The following PPP1R3F variants were observed in gnomAD, a reference collection of about 807,000 sequenced individuals.
PPP1R3F encodes the protein protein phosphatase 1, regulatory (inhibitor) subunit 3F.
A neutral mutation model predicts 24.2 loss-of-function variants in PPP1R3F; 29 were observed. That is an observed-to-expected ratio of 1.20 (90% CI 0.89 to 1.63). The LOEUF is 1.63. PPP1R3F is among the 40% of genes most tolerant of loss of function. PPP1R3F has a pLI of 0.00. For synonymous variants in PPP1R3F, 363 were observed against 340.1 expected (o/e 1.07, Z -0.74); for missense variants, 823 against 729.3 (o/e 1.13, Z -1.48).
At chrX:49,281,302 A>G in intron 1 of PPP1R3F, 104 bp from the exon 2 acceptor site, 1 of 484,788 alleles carries the variant, frequency 2.1e-6, no homozygotes. Flanking sequence ...AGCAGCTGTC[A>G]GGTGAAGGTG....
rs781865197 is a variant in PPP1R3F at position 49,285,847 on chromosome X, C to A, written c.1157C>A (p.Pro386Gln). 8.7e-7 allele frequency: 1 copy of A among 1,144,961 alleles called. No homozygotes were observed. The highest frequency in any genetic ancestry group is 1.2e-6 in the Non-Finnish European group (1 of 860,707). 94.4% of individuals were successfully genotyped at this position (1,144,961 alleles called of 1,213,427 possible). ...PQMTLQVSDV[P>Q]MTGNPAEEGD... ...CCATGGCTCCAGGTTTCTGACGTTC[C>A]GATGACTGGCAACCCCGCAGAAGAA... Residue 386 changes from proline to glutamine, a missense_variant, in exon 4 of 4, where the codon CCG (proline) becomes CAG (glutamine). Pro to Gln is a moderately conservative substitution (Grantham distance 76). Transcript: ENST00000055335.
At chrX:49,296,385 G>T (rs992759250) in intron 3 of PPP1R3F, among the ~76,000 whole-genome samples, 1 of 111,064 alleles carries the variant, frequency 9.0e-6, no homozygotes, top group Non-Finnish European at 1.9e-5. Context: ...GTTTTTTATT[G>T]TGTCTATTTG....
chrX:49,296,635 G>A (rs781948874), intron 3 of PPP1R3F, among the ~76,000 whole-genome samples: 2 of 111,660 alleles, frequency 1.8e-5, no homozygotes, highest in South Asian at 3.7e-4. Context: ...GATCTTTCCC[G>A]CTTTCTCCTG....
chrX:49,279,669 C>T (rs182863171), intron 1 of PPP1R3F, among the ~76,000 whole-genome samples: 4 of 111,470 alleles, frequency 3.6e-5, no homozygotes, highest in Admixed American at 2.8e-4. Flanking sequence ...GGCGACAGAA[C>T]GAGACTCCAT....
intron 1 of PPP1R3F, chrX:49,274,732 C>T (rs782689633): frequency 7.1e-5 from 8 of 112,057 alleles, no homozygotes; most frequent in African/African-American, 2.3e-4. Context: ...TTGATCCACT[C>T]GTTTCTCCTC....
In PPP1R3F at chrX:49,270,303, C is replaced by T. The variant is rs782098680; in HGVS notation, c.434C>T (p.Pro145Leu). The T allele has an allele frequency of 2.7e-6, 3 of 1,106,742 alleles. No homozygotes were observed. The highest frequency in any genetic ancestry group is 3.5e-6 in the Non-Finnish European group (3 of 851,479). 91.2% of individuals were successfully genotyped at this position (1,106,742 alleles called of 1,213,427 possible). The change falls in exon 1 of 4, where the codon CCC (proline) becomes CTC (leucine). Residue 145 changes from proline to leucine, a missense_variant. Physicochemically the swap from Pro to Leu is moderately conservative, Grantham distance 98 (BLOSUM62 -3). Transcript: ENST00000055335. Reference sequence around the variant, plus strand: ...GAGCTGGAGGCGCTGCTGCCGCCTCCCGGAGCGGTCCCCGGGGGTGCCGGG... The same window carrying T: ...GAGCTGGAGGCGCTGCTGCCGCCTCTCGGAGCGGTCCCCGGGGGTGCCGGG... ...MVELEALLPPPGAVPGGAGVW... is the reference protein window; with the variant it reads ...MVELEALLPPLGAVPGGAGVW...
intron 3 of PPP1R3F, among the ~76,000 whole-genome samples, chrX:49,293,280 C>T (rs782464653): frequency 9.8e-5 from 11 of 112,336 alleles, no homozygotes; most frequent in Non-Finnish European, 1.9e-4. Flanking sequence ...TAACGACTCA[C>T]CTGATGTGAT....
chrX:49,291,653 T>A (rs1557122386), downstream of PPP1R3F, among the ~76,000 whole-genome samples: 1 of 110,154 alleles, frequency 9.1e-6, no homozygotes, highest in Non-Finnish European at 1.9e-5. Context: ...AAAATTTTAG[T>A]GGTCAGTTAC....
Position 49,270,238 on chromosome X carries a change from C to T in PPP1R3F, c.369C>T (p.Pro123=), listed in dbSNP as rs1557118721. ...FYLVPTFSLP[P]APGRLERLGR... ...TGGTCCCCACATTTTCGCTGCCGCC[C>T]GCGCCGGGCCGTCTGGAGCGCTTGG... The change falls in exon 1 of 4, where the codon CCC becomes CCT. Residue 123 remains proline (P), a synonymous_variant. Transcript: ENST00000055335. The T allele has an allele frequency of 1.1e-5, 12 of 1,091,459 alleles. No homozygotes were observed. Among genetic ancestry groups the T allele is most frequent in the South Asian group, 7.1e-5 (3 of 42,308 alleles). The allele number at this position is 1,091,459 out of a possible 1,213,427, so 89.9% of individuals were successfully genotyped here.
chrX:49,270,267 G>T lies in PPP1R3F; in HGVS notation c.398G>T (p.Arg133Leu). 1 of 1,098,596 alleles carries T rather than the reference G, an allele frequency of 9.1e-7. No homozygotes were observed. Among genetic ancestry groups the T allele is most frequent in the Admixed American group, 3.5e-5 (1 of 28,600 alleles). 90.5% of individuals were successfully genotyped at this position (1,098,596 alleles called of 1,213,427 possible). Residue 133 changes from arginine (R) to leucine (L), a missense_variant, in exon 1 of 4, where the codon CGC becomes CTC. Arg to Leu is a moderately radical substitution (Grantham distance 102). Transcript: ENST00000055335. ...PAPGRLERLG[R>L]VMVELEALLP... ...CCGGGCCGTCTGGAGCGCTTGGGGC[G>T]CGTCATGGTGGAGCTGGAGGCGCTG...
chrX:49,271,225 T>A (rs2066178226), intron 1 of PPP1R3F, among the ~76,000 whole-genome samples: 1 of 111,143 alleles, frequency 9.0e-6, no homozygotes, highest in Admixed American at 9.5e-5. Flanking sequence ...GGGGATAGAT[T>A]GGGAGGGAAT....
At chrX:49,280,754 C>T (rs1388128753) in intron 1 of PPP1R3F, 1 of 110,580 alleles carries the variant, frequency 9.0e-6, no homozygotes, top group African/African-American at 3.3e-5. Flanking sequence ...ATCATGTTGC[C>T]CAGGCTGGTC....
rs782555825 is a variant in PPP1R3F at position 49,281,459 on chromosome X, T to C, written c.1058T>C (p.Met353Thr). 15 of 1,198,568 alleles carry C rather than the reference T, an allele frequency of 1.3e-5. No homozygotes were observed. The East Asian group carries it at 3.9e-4, about 31-fold the overall frequency. Residue 353 changes from methionine (M) to threonine (T), a missense_variant and splice_region_variant, in exon 2 of 4, where the codon ATG becomes ACG. Transcript: ENST00000055335. ...AACATGGATGATAACACCTTTGCCATGGGTAAGCAATTGGCAAGCTTCGGA... is the reference window on the plus strand; with the variant it reads ...AACATGGATGATAACACCTTTGCCACGGGTAAGCAATTGGCAAGCTTCGGA... ...TKNMDDNTFA[M>T]AEHPDVQESV...
Position 49,270,481 on chromosome X carries a change from G to C in PPP1R3F, c.612G>C (p.Pro204=). 8.3e-7 allele frequency: 1 copy of C among 1,204,838 alleles called. No homozygotes were observed. Among genetic ancestry groups the C allele is most frequent in the Non-Finnish European group, 1.1e-6 (1 of 894,866 alleles). ...CGCGCTACGTCCCGCGCAGCCCGCC[G>C]TGGGCAGGAGCGGGAGGAACAGGAG... ...HPARYVPRSP[P]WAGAGGTGAG... The change falls in exon 1 of 4, where the codon CCG becomes CCC. Residue 204 remains proline, a synonymous_variant. Transcript: ENST00000055335.
chrX:49,270,768 C>T lies in PPP1R3F; in HGVS notation c.899C>T (p.Pro300Leu). ...APTPTDAEGL[P>L]QQQQLPQLEP... is the part of the protein sequence containing the mutation. ...ACACCCACTGATGCCGAAGGGCTGC[C>T]CCAGCAGCAGCAGCTGCCGCAGCTG... Residue 300 changes from proline to leucine, a missense_variant, in exon 1 of 4, where the codon CCC becomes CTC. By Grantham distance (98) the Pro-to-Leu change is moderately conservative. Coordinates refer to ENST00000055335, the MANE Select transcript of PPP1R3F (RefSeq NM_033215.5). 2.5e-6 allele frequency: 3 copies of T among 1,199,005 alleles called. No homozygotes were observed. Among genetic ancestry groups the T allele is most frequent in the South Asian group, 1.8e-5 (1 of 55,310 alleles).
intron 1 of PPP1R3F, chrX:49,273,117 T>C (rs2066191626): frequency 9.2e-6 from 1 of 108,452 alleles, no homozygotes; most frequent in Non-Finnish European, 1.9e-5. Context: ...TTTGTACATA[T>C]GTATGCACTT....
Position 49,286,931 on chromosome X carries a change from C to T in PPP1R3F, c.2241C>T (p.Val747=), listed in dbSNP as rs782611476. ...EPPKKSPTLA[V]PAECVCALPP... ...CAAAGAAGTCTCCCACCCTAGCAGTCCCTGCAGAATGTGTGTGTGCACTGC... is the reference window on the plus strand; with the variant it reads ...CAAAGAAGTCTCCCACCCTAGCAGTTCCTGCAGAATGTGTGTGTGCACTGC... Residue 747 remains valine (V), a synonymous_variant, in exon 4 of 4, where the codon GTC becomes GTT. Coordinates refer to ENST00000055335, the MANE Select transcript of PPP1R3F (RefSeq NM_033215.5). The T allele has an allele frequency of 1.7e-6, 2 of 1,206,250 alleles. No individual in the cohort carries two copies. Among genetic ancestry groups the T allele is most frequent in the East Asian group, 5.9e-5 (2 of 33,804 alleles).
In PPP1R3F at chrX:49,270,836, A is replaced by G. The variant is rs2066174845; in HGVS notation, c.967A>G (p.Arg323Gly). 7.6e-6 allele frequency: 9 copies of G among 1,185,903 alleles called. No homozygotes were observed. The highest frequency in any genetic ancestry group is 1.0e-5 in the Non-Finnish European group (9 of 882,940). The change falls in exon 1 of 4, where the codon AGG becomes GGG. Residue 323 changes from arginine (R) to glycine (G), a missense_variant. By Grantham distance (125) the Arg-to-Gly change is moderately radical. Transcript: ENST00000055335. ...CCAGGGTCCCGTGGAGGCTGAGGCC[A>G]GGCAGCTGAAGAGCTGCATGAAGCC... ...ECQGPVEAEARQLKSCMKPVR... is the reference protein window; with the variant it reads ...ECQGPVEAEAGQLKSCMKPVR...
At chrX:49,271,881 T>G (rs1453398363) in intron 1 of PPP1R3F, among the ~76,000 whole-genome samples, 1 of 112,062 alleles carries the variant, frequency 8.9e-6, no homozygotes, top group Non-Finnish European at 1.9e-5. Flanking sequence ...AATAATCAGT[T>G]ATACCCCAGG....
Sources: gnomAD v4.1 joint callset for allele counts (sites outside exome capture counted in the v4.1 genomes callset) on GRCh38, gnomAD v4.1.1 for gene constraint, MANE v1.5 for transcripts, NCBI Gene and HGNC (gene_info 2026-07-23, HGNC 2026-07-21) for gene names.